CASZ1: variants seen among roughly 807,000 people sequenced by gnomAD.
CASZ1 encodes zinc finger protein castor homolog 1.
CASZ1 carries 28 observed loss-of-function variants against 135.2 expected under a neutral mutation model. The observed-to-expected ratio is 0.21, with a 90% CI of 0.15 to 0.28. The LOEUF is 0.28. CASZ1 is among the 10% of genes least tolerant of loss of function. The pLI is 1.00. For missense variants in CASZ1, 2,161 were observed against 2,453.3 expected (o/e 0.88, Z 2.52); for synonymous variants, 1,068 against 1,073.4 (o/e 0.99, Z 0.10).
chr1:10,671,311 C>T (rs930525080), intron 4 of CASZ1, among the ~76,000 whole-genome samples: 26 of 152,206 alleles, frequency 1.7e-4, no homozygotes, highest in Admixed American at 1.4e-3. Context: ...GCACAGACCG[C>T]GTGCATGCCT....
chr1:10,793,932 G>A (rs1360958905), intron 1 of CASZ1, among the ~76,000 whole-genome samples: 1 of 152,180 alleles, frequency 6.6e-6, no homozygotes, highest in South Asian at 2.1e-4. Context: ...TGCGCAGGTC[G>A]CGACGCCCGC....
intron 3 of CASZ1, among the ~76,000 whole-genome samples, chr1:10,703,199 C>G (rs912521436): frequency 2.0e-5 from 3 of 152,160 alleles, no homozygotes; most frequent in Admixed American, 6.5e-5. Context: ...CCGCAGCTCC[C>G]GTCTCCTTGC....
intron 15 of CASZ1, 21 bp from the exon 16 acceptor site, chr1:10,648,160 G>A (rs1642434812): frequency 1.4e-6 from 2 of 1,469,730 alleles, no homozygotes; most frequent in South Asian, 2.8e-5. Flanking sequence ...TAGAAGAGGG[G>A]GTCTCATGGG....
chr1:10,646,250 C>A lies in CASZ1; in HGVS notation c.3574G>T (p.Val1192Phe). 6.2e-7 allele frequency: 1 copy of A among 1,614,160 alleles called. No individual in the cohort carries two copies. Among genetic ancestry groups the A allele is most frequent in the Non-Finnish European group, 8.5e-7 (1 of 1,180,022 alleles). The stretch of plus-strand genomic sequence containing the variant: ...TCGGCCTTGCCAGACGTTTTGCAGA[C>A]GTACTTGCAGTTCCCAAAGAGACAG... The part of the protein sequence containing the change: ...FHCLFGNCKY[V>F]CKTSGKAESH... The change falls in exon 17 of 21, where the codon GTC becomes TTC. Residue 1192 changes from valine (V) to phenylalanine (F), a missense_variant. Val to Phe is a conservative substitution (Grantham distance 50). Around this residue, in one of 7 missense-constraint regions of CASZ1, gnomAD observed 349 missense variants for 460.8 expected, o/e 0.76. Coordinates refer to ENST00000377022, the MANE Select transcript of CASZ1 (RefSeq NM_001079843.3). This position sits in a 1 kb window ranked among gnomAD's most constrained non-coding sequence, Gnocchi z 6.4.
At position 10,660,554 on chromosome 1, in the gene CASZ1, G is replaced by A. The variant is rs762283769; in HGVS notation, c.506-18C>T. 2.3e-5 allele frequency: 36 copies of A among 1,599,908 alleles called. No individual in the cohort carries two copies. Among genetic ancestry groups the A allele is most frequent in the Non-Finnish European group, 3.1e-5 (36 of 1,174,522 alleles). On this transcript the variant is annotated intron_variant, in intron 5 of 20. Transcript: ENST00000377022. ...GGCCTCTCCTGCAGAGGAGGATGGG[G>A]GCGCATCACCTCTGGGAGGGAGTGG...
chr1:10,658,171 C>T (rs1175453764), intron 7 of CASZ1: 4 of 300,632 alleles, frequency 1.3e-5, no homozygotes, highest in Non-Finnish European at 2.6e-5. Context: ...TCACGGTGGC[C>T]TGCACCCTAC....
intron 2 of CASZ1, among the ~76,000 whole-genome samples, chr1:10,750,889 ACT>A (rs1021096285): frequency 4.9e-4 from 74 of 151,278 alleles, no homozygotes; most frequent in African/African-American, 1.7e-3. Context: ...ACAGAGCAAG[ACT>A]CTGTCTCAAA....
chr1:10,743,370 C>A (rs185183573), intron 2 of CASZ1, among the ~76,000 whole-genome samples: 25 of 151,558 alleles, frequency 1.6e-4, no homozygotes, highest in African/African-American at 6.1e-4. Flanking sequence ...TCTCCAAGTA[C>A]CCCCACTCAG....
intron 4 of CASZ1, among the ~76,000 whole-genome samples, chr1:10,682,773 T>C (rs571131846): frequency 3.9e-4 from 60 of 152,340 alleles, no homozygotes; most frequent in African/African-American, 1.3e-3. Flanking sequence ...TTCAGCTCCA[T>C]CTGAAGGCCT....
chr1:10,688,237 G>A (rs1397758142), intron 4 of CASZ1, among the ~76,000 whole-genome samples: 3 of 152,170 alleles, frequency 2.0e-5, no homozygotes, highest in Non-Finnish European at 4.4e-5. Flanking sequence ...AGGTCTACCC[G>A]GAGCCCCAGA....
rs927673357 is a variant in CASZ1, at chr1:10,735,356, T to G, written c.-77+25345A>C. 2.0e-5 allele frequency among the ~76,000 whole-genome samples: 3 copies of G among 152,298 alleles called. No individual in the cohort carries two copies. The South Asian group carries it at 6.2e-4, about 32-fold the overall frequency. ...CCGCCACGGGCCCCAAGCTGCATTC[T>G]GAGCTGACGAGAGAGGCGCCTGCAA... On this transcript the variant is annotated intron_variant, in intron 2 of 20. Coordinates refer to ENST00000377022, the MANE Select transcript of CASZ1 (RefSeq NM_001079843.3). This position sits in a 1 kb window ranked among gnomAD's most constrained non-coding sequence, Gnocchi z 5.1.
chr1:10,722,587 G>C (rs1439052477), intron 2 of CASZ1, among the ~76,000 whole-genome samples: 1 of 152,240 alleles, frequency 6.6e-6, no homozygotes, highest in Non-Finnish European at 1.5e-5. Context: ...ACTGAAAACT[G>C]GGTGCTGGGA....
Position 10,649,305 on chromosome 1 carries a change from G to T in CASZ1, c.3013C>A (p.Pro1005Thr). The T allele has an allele frequency of 1.9e-6, 3 of 1,596,946 alleles. No individual in the cohort carries two copies. The highest frequency in any genetic ancestry group is 2.6e-6 in the Non-Finnish European group (3 of 1,171,892). ...KALVQEKLAE[P>T]WKVYLRRFGT... ...CACCTGCGCAGGTACACCTTCCAGGGCTCTGCCAACTTCTCCTGAACCAGC... is the reference window on the plus strand; with the variant it reads ...CACCTGCGCAGGTACACCTTCCAGGTCTCTGCCAACTTCTCCTGAACCAGC... The change falls in exon 14 of 21, where the codon CCC (proline) becomes ACC (threonine). Residue 1005 changes from proline (P) to threonine (T), a missense_variant. Pro to Thr is a conservative substitution (Grantham distance 38). Transcript: ENST00000377022.
chr1:10,658,195 TGACAGC>T (rs1642874235), intron 7 of CASZ1: 1 of 353,950 alleles, frequency 2.8e-6, no homozygotes, highest in South Asian at 3.7e-5. Flanking sequence ...AGGCTCTGTG[TGACAGC>T]AGGACCCAGG....
At chr1:10,651,141 G>A (rs1384641122) in intron 11 of CASZ1, 65 bp from the exon 12 acceptor site, 11 of 1,344,408 alleles carry the variant, frequency 8.2e-6, no homozygotes, top group African/African-American at 4.5e-5. Context: ...ACAGACAGCC[G>A]CCGTGCCCCC....
chr1:10,665,223 T>G lies in CASZ1; in HGVS notation c.365A>C (p.Tyr122Ser), dbSNP rs1643189712. 1 of 1,596,394 alleles carries G rather than the reference T, an allele frequency of 6.3e-7. No homozygotes were observed. ...EGLELPPEGVYMVQPQGCSDE... is the reference protein window; with the variant it reads ...EGLELPPEGVSMVQPQGCSDE... ...GCTGCACCCCTGGGGCTGCACCATG[T>G]AGACACCCTCGGGAGGCAGCTCCAG... Residue 122 changes from tyrosine to serine, a missense_variant, in exon 5 of 21, where the codon TAC becomes TCC. Tyr to Ser is a moderately radical substitution (Grantham distance 144, BLOSUM62 -2). Transcript: ENST00000377022.
chr1:10,639,549 G>A lies in CASZ1; in HGVS notation c.4673C>T (p.Ala1558Val). 1 of 1,610,694 alleles carries A rather than the reference G, an allele frequency of 6.2e-7. No homozygotes were observed. The change falls in exon 21 of 21, where the codon GCC becomes GTC. Residue 1558 changes from alanine (A) to valine (V), a missense_variant. This residue lies in a region of CASZ1 where 240 missense variants were observed against 321.4 expected (regional missense o/e 0.75). Coordinates refer to ENST00000377022, the MANE Select transcript of CASZ1 (RefSeq NM_001079843.3). The surrounding 1 kb of genome is among the most constrained non-coding windows in gnomAD (Gnocchi z 4.0). ...GAGCTTGTACTTGCAGTCGGGCACG[G>A]CGCAGTCGGCGCTGGAGCTGAACTG... The part of the protein sequence containing the change: ...FCQFSSSADC[A>V]VPDCKYKLKC...
intron 17 of CASZ1, among the ~76,000 whole-genome samples, chr1:10,645,786 G>A (rs562712656): frequency 3.3e-5 from 5 of 152,164 alleles, no homozygotes; most frequent in African/African-American, 7.2e-5. Context: ...GTGTGGGCAC[G>A]GACAATGGGC....
intron 2 of CASZ1, among the ~76,000 whole-genome samples, chr1:10,728,696 A>T (rs920569568): frequency 6.6e-6 from 1 of 151,786 alleles, no homozygotes; most frequent in African/African-American, 2.4e-5. Flanking sequence ...CTTGAAAAAA[A>T]GCCTCGTTAG....
Sources: gnomAD v4.1 joint callset for allele counts (sites outside exome capture counted in the v4.1 genomes callset) on GRCh38, gnomAD v4.1.1 for gene constraint, gnomAD v4.1.1 regional missense constraint, Gnocchi (gnomAD v3.1) non-coding constraint, MANE v1.5 for transcripts, NCBI Gene and HGNC (gene_info 2026-07-23, HGNC 2026-07-21) for gene names.